HIVEP1: variants seen among roughly 807,000 people sequenced by gnomAD.
HIVEP1 encodes zinc finger protein 40.
A neutral mutation model predicts 180.0 loss-of-function variants in HIVEP1; 36 were observed. That is an observed-to-expected ratio of 0.20 (90% CI 0.15 to 0.26). The LOEUF (loss-of-function observed/expected upper bound fraction) is 0.26. HIVEP1 is among the 10% of genes least tolerant of loss of function. The pLI is 1.00. For synonymous variants in HIVEP1, 1,239 were observed against 1,239.0 expected (o/e 1.00, Z 0.00); for missense variants, 3,143 against 3,268.7 (o/e 0.96, Z 0.94).
At chr6:12,066,028 G>A (rs1771555788) in intron 2 of HIVEP1, among the ~76,000 whole-genome samples, 1 of 152,112 alleles carries the variant, frequency 6.6e-6, no homozygotes, top group African/African-American at 2.4e-5. Context: ...GAACATTGGG[G>A]AGGTGATTCT....
chr6:12,164,345 C>G lies in HIVEP1; in HGVS notation c.8041C>G (p.Leu2681Val), dbSNP rs1445609176. The G allele has an allele frequency of 6.2e-7, 1 of 1,614,092 alleles. No individual in the cohort carries two copies. The highest frequency in any genetic ancestry group is 1.3e-5 in the African/African-American group (1 of 75,060). The change falls in exon 9 of 9, where the codon CTC becomes GTC. Residue 2681 changes from leucine to valine, a missense_variant. Transcript: ENST00000379388. ...VFTKPSGQQT[L>V]SPDRQVPRPT... ...TACAAAGCCCTCAGGCCAGCAGACT[C>G]TCTCTCCAGACAGACAGGTTCCCAG...
intron 2 of HIVEP1, among the ~76,000 whole-genome samples, chr6:12,079,634 T>C (rs1005944391): frequency 2.0e-5 from 3 of 152,180 alleles, no homozygotes; most frequent in African/African-American, 7.2e-5. Context: ...ATCTGTAATT[T>C]AGAGAACATT....
chr6:12,101,218 G>T (rs1774093690), intron 3 of HIVEP1, among the ~76,000 whole-genome samples: 1 of 152,166 alleles, frequency 6.6e-6, no homozygotes, highest in African/African-American at 2.4e-5. Context: ...ACCACTTTCT[G>T]TGAAGTACTT....
At chr6:12,021,862 A>G (rs985776060) in intron 2 of HIVEP1, among the ~76,000 whole-genome samples, 1 of 152,028 alleles carries the variant, frequency 6.6e-6, no homozygotes, top group Non-Finnish European at 1.5e-5. Flanking sequence ...ACTGGGTTTC[A>G]CCATGTTGGC....
intron 3 of HIVEP1, among the ~76,000 whole-genome samples, chr6:12,101,008 C>A (rs1414458320): frequency 2.0e-5 from 3 of 152,162 alleles, no homozygotes; most frequent in Non-Finnish European, 4.4e-5. Flanking sequence ...ATCTTGTTAG[C>A]AACATTTAGA....
intron 2 of HIVEP1, among the ~76,000 whole-genome samples, chr6:12,045,788 G>A (rs1034111446): frequency 1.3e-5 from 2 of 152,156 alleles, no homozygotes; most frequent in Admixed American, 6.5e-5. Flanking sequence ...TTTTAACAAT[G>A]TATGCCTGTT....
chr6:12,183,452 C>T, the HIVEP1 span, among the ~76,000 whole-genome samples: 1 of 152,264 alleles, frequency 6.6e-6, no homozygotes, highest in East Asian at 1.9e-4. Context: ...GTGCCAGCTA[C>T]GTTATGGAGT....
intron 3 of HIVEP1, among the ~76,000 whole-genome samples, chr6:12,108,339 G>A (rs1774605455): frequency 6.6e-6 from 1 of 152,234 alleles, no homozygotes; most frequent in South Asian, 2.1e-4. Context: ...AGTAGATCCT[G>A]CACCAGGACT....
intron 3 of HIVEP1, among the ~76,000 whole-genome samples, chr6:12,113,141 G>C (rs1201245217): frequency 1.3e-5 from 2 of 151,310 alleles, no homozygotes; most frequent in Non-Finnish European, 2.9e-5. Flanking sequence ...AGTGAGTGTG[G>C]ACTCCCTCAG....
In HIVEP1 at chr6:12,163,750, C is replaced by A. The variant is rs780731692; in HGVS notation, c.7446C>A (p.Thr2482=). Residue 2482 remains threonine, a synonymous_variant, in exon 9 of 9, where the codon ACC becomes ACA. Coordinates refer to ENST00000379388, the MANE Select transcript of HIVEP1 (RefSeq NM_002114.4). ...TGCCAGGCCTTCAGAACCTAAGTAC[C>A]CCAGGCTTGCAGTCACTCCCCTCGT... ...IRVPGLQNLS[T]PGLQSLPSLS... The A allele has an allele frequency of 1.2e-6, 2 of 1,613,952 alleles. No individual in the cohort carries two copies.
chr6:12,119,407 A>G (rs1308373573), intron 3 of HIVEP1, among the ~76,000 whole-genome samples: 1 of 152,202 alleles, frequency 6.6e-6, no homozygotes, highest in Admixed American at 6.5e-5. Context: ...TTCTGTGCAG[A>G]TCCCAATCAG....
chr6:12,089,262 A>G lies in HIVEP1; in HGVS notation c.94+25A>G, dbSNP rs767034312. On this transcript the variant is annotated intron_variant, in intron 3 of 8. Transcript: ENST00000379388. ...GGTAAATTAAAATCAGCTTGAATGTAAACTTTATTCTTGCAATGATGCCTA... is the reference window on the plus strand; with the variant it reads ...GGTAAATTAAAATCAGCTTGAATGTGAACTTTATTCTTGCAATGATGCCTA... 6 of 1,412,450 alleles carry G rather than the reference A, an allele frequency of 4.2e-6. No individual in the cohort carries two copies. In the East Asian group the frequency reaches 1.4e-4, roughly 32 times the overall value. 87.5% of individuals were successfully genotyped at this position (1,412,450 alleles called of 1,614,324 possible).
intron 2 of HIVEP1, among the ~76,000 whole-genome samples, chr6:12,019,703 A>G (rs1581504638): frequency 6.6e-6 from 1 of 152,274 alleles, no homozygotes; most frequent in East Asian, 1.9e-4. Flanking sequence ...ACTTTCTCAA[A>G]TTATATTTTT....
rs551360912 is a variant in HIVEP1 at position 12,146,514 on chromosome 6, AACTGTGCT to A, written c.6487+10626_6487+10633del. On this transcript the variant is annotated intron_variant, in intron 7 of 8. Coordinates refer to ENST00000379388, the MANE Select transcript of HIVEP1 (RefSeq NM_002114.4). Reference sequence around the variant, plus strand: ...AATTCCTTCACTAAAATCAAATGGTAACTGTGCTACTTGATACCTTTACTTATAAATAG... The same window carrying A: ...AATTCCTTCACTAAAATCAAATGGTAACTTGATACCTTTACTTATAAATAG... Among the ~76,000 whole-genome samples, 6 of 152,340 alleles carry A rather than the reference AACTGTGCT, an allele frequency of 3.9e-5. No individual in the cohort carries two copies. The South Asian group carries it at 1.2e-3, about 32-fold the overall frequency.
At chr6:12,039,809 T>C (rs1222733638) in intron 2 of HIVEP1, among the ~76,000 whole-genome samples, 1 of 152,138 alleles carries the variant, frequency 6.6e-6, no homozygotes, top group Non-Finnish European at 1.5e-5. Flanking sequence ...GAAGAAGCTA[T>C]GCAGCCAGGA....
intron 7 of HIVEP1, among the ~76,000 whole-genome samples, chr6:12,152,566 C>G (rs1299177030): frequency 6.6e-6 from 1 of 152,194 alleles, no homozygotes; most frequent in Non-Finnish European, 1.5e-5. Context: ...CCCATTTTAT[C>G]TTTTCTCTGT....
chr6:12,039,568 C>T (rs532311412), intron 2 of HIVEP1, among the ~76,000 whole-genome samples: 19 of 152,216 alleles, frequency 1.2e-4, no homozygotes, highest in Admixed American at 1.2e-3. Flanking sequence ...GTTCTATTGA[C>T]GCCAAGTTGG....
At chr6:12,150,881 A>T (rs1759663840) in intron 7 of HIVEP1, among the ~76,000 whole-genome samples, 1 of 152,114 alleles carries the variant, frequency 6.6e-6, no homozygotes, top group African/African-American at 2.4e-5. Context: ...TTCTAAACAT[A>T]TGTGAAAAAC....
At chr6:12,060,344 C>T (rs1236151145) in intron 2 of HIVEP1, among the ~76,000 whole-genome samples, 1 of 152,174 alleles carries the variant, frequency 6.6e-6, no homozygotes, top group Non-Finnish European at 1.5e-5. Flanking sequence ...GGAAATAAAA[C>T]TTCAGACAAT....
Sources: allele counts gnomAD v4.1 joint callset (sites outside exome capture counted in the v4.1 genomes callset), GRCh38; gene constraint gnomAD v4.1.1; transcripts MANE v1.5; gene names NCBI Gene and HGNC (gene_info 2026-07-23, HGNC 2026-07-21).